Variants in GSG1L observed in about 807,000 individuals in gnomAD.
GSG1L encodes germ cell-specific gene 1-like protein.
A neutral mutation model predicts 42.1 loss-of-function variants in GSG1L; 24 were observed. The ratio of observed to expected loss-of-function variants is 0.57; its 90% CI spans 0.41 to 0.80. The LOEUF is 0.80. GSG1L is among the 30% of genes least tolerant of loss of function. The pLI is 0.00. For synonymous variants in GSG1L, 215 were observed against 203.5 expected (o/e 1.06, Z -0.48); for missense variants, 445 against 472.2 (o/e 0.94, Z 0.53).
chr16:28,016,019 C>T (rs1360367287), intron 1 of GSG1L, among the ~76,000 whole-genome samples: 5 of 152,168 alleles, frequency 3.3e-5, no homozygotes, highest in Non-Finnish European at 5.9e-5. Context: ...GAGATGGAGT[C>T]TTGCTCTGTC....
chr16:27,990,108 G>A (rs533833913), intron 1 of GSG1L, among the ~76,000 whole-genome samples: 18 of 152,240 alleles, frequency 1.2e-4, no homozygotes, highest in Admixed American at 8.5e-4. Context: ...ACATCAAGCA[G>A]AACAAGAATT....
intron 4 of GSG1L, among the ~76,000 whole-genome samples, chr16:27,835,592 C>CT (rs1226950430): frequency 2.0e-5 from 3 of 147,522 alleles, no homozygotes; most frequent in African/African-American, 7.5e-5. Flanking sequence ...TTTCTTTTTT[C>CT]TTGTGTTCCC....
chr16:27,792,553 C>T (rs6498035), intron 6 of GSG1L, among the ~76,000 whole-genome samples: 2,993 of 152,282 alleles, frequency 0.02, 100 homozygotes, highest in African/African-American at 0.068. Context: ...TTGTACCTCC[C>T]GCCGAATCAA....
In GSG1L at chr16:28,059,922, A is replaced by G. The variant is rs2086321935; in HGVS notation, c.349+3154T>C. Among the ~76,000 whole-genome samples, 3 of 152,138 alleles carry G rather than the reference A, an allele frequency of 2.0e-5. No individual in the cohort carries two copies. The highest frequency in any genetic ancestry group is 4.8e-5 in the African/African-American group (2 of 41,416). On this transcript the variant is annotated intron_variant, in intron 1 of 6. Transcript: ENST00000447459. The surrounding 1 kb of genome is among the most constrained non-coding windows in gnomAD (Gnocchi z 4.4). ...GAACACTGTAGATTTTTAGTGTGGG[A>G]AAAAGGGCTTATTACATTTCCCTGT...
chr16:27,979,598 GAAGA>G (rs1201395256), intron 1 of GSG1L, among the ~76,000 whole-genome samples: 2 of 138,754 alleles, frequency 1.4e-5, no homozygotes, highest in Non-Finnish European at 3.1e-5. Flanking sequence ...AGGAAGGAAG[GAAGA>G]AAGAAAGGAA....
chr16:27,946,575 AAGAAAGAGAGAG>A (rs1415319223), intron 2 of GSG1L, among the ~76,000 whole-genome samples: 189 of 25,246 alleles, frequency 7.5e-3, no homozygotes, highest in African/African-American at 0.01. Context: ...GAAAGAAAGA[AAGAAAGAGAGAG>A]AGAGAGAGAG....
At chr16:27,992,943 A>G (rs560609659) in intron 1 of GSG1L, among the ~76,000 whole-genome samples, 8 of 152,362 alleles carry the variant, frequency 5.3e-5, no homozygotes, top group African/African-American at 1.7e-4. Flanking sequence ...CCCTGCCTAC[A>G]GAAAATAATA....
At chr16:27,904,098 T>G (rs905573240) in intron 2 of GSG1L, among the ~76,000 whole-genome samples, 2 of 146,590 alleles carry the variant, frequency 1.4e-5, no homozygotes, top group Admixed American at 6.7e-5. Flanking sequence ...GTTTTGGAGG[T>G]TTTTTTTATC....
At chr16:27,803,324 C>T (rs989375448) in intron 6 of GSG1L, among the ~76,000 whole-genome samples, 3 of 152,102 alleles carry the variant, frequency 2.0e-5, no homozygotes, top group African/African-American at 7.2e-5. Context: ...ACCCGACCCT[C>T]TCTGCGGCAG....
At chr16:27,997,398 C>T (rs944527785) in intron 1 of GSG1L, among the ~76,000 whole-genome samples, 1 of 136,920 alleles carries the variant, frequency 7.3e-6, no homozygotes, top group African/African-American at 2.7e-5. Flanking sequence ...CGGCTCACTG[C>T]AACCTCTGCT....
At chr16:27,966,349 T>G (rs2085133568) in intron 1 of GSG1L, among the ~76,000 whole-genome samples, 1 of 151,946 alleles carries the variant, frequency 6.6e-6, no homozygotes, top group South Asian at 2.1e-4. Flanking sequence ...ACAAAAAAAT[T>G]TAAAAATTAG....
chr16:27,942,584 T>G (rs367961299), intron 2 of GSG1L, among the ~76,000 whole-genome samples: 53 of 152,134 alleles, frequency 3.5e-4, no homozygotes, highest in East Asian at 2.5e-3. Flanking sequence ...AAAAAGACAA[T>G]CTAATAGAAA....
intron 2 of GSG1L, among the ~76,000 whole-genome samples, chr16:27,907,218 A>T (rs541226298): frequency 5.3e-5 from 8 of 152,294 alleles, no homozygotes; most frequent in African/African-American, 1.4e-4. Flanking sequence ...CACCTCTGCC[A>T]GTACAGACCC....
At chr16:27,990,578 T>C (rs1013540526) in intron 1 of GSG1L, among the ~76,000 whole-genome samples, 13 of 152,198 alleles carry the variant, frequency 8.5e-5, no homozygotes, top group African/African-American at 2.9e-4. Context: ...GCAAGATTCC[T>C]GACCTGTGAT....
At chr16:27,959,382 C>T (rs1034310612) in intron 2 of GSG1L, among the ~76,000 whole-genome samples, 9 of 150,716 alleles carry the variant, frequency 6.0e-5, no homozygotes, top group African/African-American at 7.3e-5. Flanking sequence ...GCAGGAGAAT[C>T]GCTTGAACCT....
At chr16:27,902,456 T>C (rs555346443) in intron 2 of GSG1L, among the ~76,000 whole-genome samples, 84 of 151,782 alleles carry the variant, frequency 5.5e-4, no homozygotes, top group African/African-American at 2.0e-3. Context: ...AGGGGGAATC[T>C]GGCTTCAGGA....
chr16:27,865,608 T>TAC (rs574859801), intron 3 of GSG1L, among the ~76,000 whole-genome samples: 2,627 of 137,910 alleles, frequency 0.019, 88 homozygotes, highest in Non-Finnish European at 0.032. Context: ...CACATATATA[T>TAC]ACACACACAC....
At chr16:27,871,984 G>C (rs2083827428) in intron 3 of GSG1L, among the ~76,000 whole-genome samples, 1 of 152,176 alleles carries the variant, frequency 6.6e-6, no homozygotes, top group Admixed American at 6.5e-5. Context: ...AAAAATCATT[G>C]AATTATATGC....
chr16:27,987,088 G>A (rs1186863111), intron 1 of GSG1L, among the ~76,000 whole-genome samples: 1 of 151,930 alleles, frequency 6.6e-6, no homozygotes, highest in African/African-American at 2.4e-5. Flanking sequence ...AAGGTGGCAG[G>A]TGCCTGTAAT....
Sources: gnomAD v4.1 joint callset for allele counts (sites outside exome capture counted in the v4.1 genomes callset) on GRCh38, gnomAD v4.1.1 for gene constraint, Gnocchi (gnomAD v3.1) non-coding constraint, MANE v1.5 for transcripts, NCBI Gene and HGNC (gene_info 2026-07-23, HGNC 2026-07-21) for gene names.